ST3GAL3: variants seen among roughly 807,000 people sequenced by gnomAD.
ST3GAL3 encodes the protein ST3 beta-galactoside alpha-2,3-sialyltransferase 3.
Under a neutral mutation model 50.1 loss-of-function variants are expected in ST3GAL3, and 21 were observed. That is an observed-to-expected ratio of 0.42 (90% CI 0.30 to 0.60). The LOEUF (loss-of-function observed/expected upper bound fraction) is 0.60, where lower values mean the gene tolerates loss of function less well. Ranked by LOEUF, ST3GAL3 falls within the 20% of genes least tolerant of loss-of-function variation. The pLI, the probability that ST3GAL3 is intolerant of heterozygous loss-of-function variation, is 0.19. For missense variants in ST3GAL3, 353 were observed against 489.4 expected (o/e 0.72, Z 2.63); for synonymous variants, 183 against 190.0 (o/e 0.96, Z 0.30).
chr1:43,772,033 T>C (rs1241741355), intron 2 of ST3GAL3: 6 of 198,058 alleles, frequency 3.0e-5, no homozygotes, highest in Non-Finnish European at 4.1e-5. Flanking sequence ...AGGTGGTCTT[T>C]TTTTTTTTTT....
At chr1:43,760,941 CATT>C (rs1379952964) in intron 2 of ST3GAL3, among the ~76,000 whole-genome samples, 6 of 152,144 alleles carry the variant, frequency 3.9e-5, no homozygotes, top group African/African-American at 9.7e-5. Flanking sequence ...GCCTTGAAAA[CATT>C]ATGCTGAGAG....
intron 2 of ST3GAL3, among the ~76,000 whole-genome samples, chr1:43,766,437 G>A (rs1282352870): frequency 6.6e-6 from 1 of 152,170 alleles, no homozygotes; most frequent in Non-Finnish European, 1.5e-5. Context: ...TAAATAAGAA[G>A]TGATGTCAAG....
chr1:43,830,502 C>A (rs781390024), intron 4 of ST3GAL3, among the ~76,000 whole-genome samples: 13 of 152,224 alleles, frequency 8.5e-5, no homozygotes, highest in Non-Finnish European at 1.9e-4. Flanking sequence ...ATAACTCTAA[C>A]CTCTATTACA....
chr1:43,853,459 C>A (rs1041922478), intron 5 of ST3GAL3, among the ~76,000 whole-genome samples: 12 of 152,246 alleles, frequency 7.9e-5, no homozygotes, highest in African/African-American at 2.6e-4. Flanking sequence ...AGCAGTTTGC[C>A]CGAGGTCACA....
At chr1:43,837,199 G>T (rs150324394) in intron 4 of ST3GAL3, among the ~76,000 whole-genome samples, 1 of 152,154 alleles carries the variant, frequency 6.6e-6, no homozygotes, top group African/African-American at 2.4e-5. Flanking sequence ...GTGAGGGGAA[G>T]GGGGAGTGAC....
chr1:43,793,807 G>T (rs2154154141), intron 3 of ST3GAL3, among the ~76,000 whole-genome samples: 1 of 152,318 alleles, frequency 6.6e-6, no homozygotes, highest in Non-Finnish European at 1.5e-5. Context: ...GGCTGGATGG[G>T]CATAGTGGCT....
chr1:43,777,856 G>A (rs1428174169), intron 2 of ST3GAL3, among the ~76,000 whole-genome samples: 1 of 152,148 alleles, frequency 6.6e-6, no homozygotes, highest in Non-Finnish European at 1.5e-5. Context: ...CAACCATTGT[G>A]GAAGACAGTG....
intron 2 of ST3GAL3, among the ~76,000 whole-genome samples, chr1:43,746,443 G>A (rs1011378543): frequency 1.3e-5 from 2 of 150,470 alleles, no homozygotes; most frequent in African/African-American, 4.9e-5. Context: ...TGCCACAGAT[G>A]TGTAAACTTA....
At chr1:43,832,325 T>C (rs1225455423) in intron 4 of ST3GAL3, among the ~76,000 whole-genome samples, 1 of 152,184 alleles carries the variant, frequency 6.6e-6, no homozygotes, top group Non-Finnish European at 1.5e-5. Flanking sequence ...AGGCAGGGCC[T>C]CCGGAGCTGA....
rs1177376284 is a variant in ST3GAL3, at chr1:43,852,177, G to C, written c.302+13866G>C. Among the ~76,000 whole-genome samples, 7 of 152,080 alleles carry C rather than the reference G, an allele frequency of 4.6e-5. No individual in the cohort carries two copies. In the East Asian group the frequency reaches 1.3e-3, roughly 29 times the overall value. On this transcript the variant is annotated intron_variant, in intron 5 of 11. Coordinates refer to ENST00000347631, the MANE Select transcript of ST3GAL3 (RefSeq NM_006279.5). ...CCAGCCTGTTTGCTCTCACACTTTT[G>C]TACTCTCTGCTGGGAAGTCCTCCTT...
chr1:43,870,283 A>G (rs1259223809), intron 5 of ST3GAL3, among the ~76,000 whole-genome samples: 1 of 152,252 alleles, frequency 6.6e-6, no homozygotes, highest in Non-Finnish European at 1.5e-5. Flanking sequence ...ATAAACATTT[A>G]TTGAAACCCT....
At chr1:43,761,749 G>C (rs1690452277) in intron 2 of ST3GAL3, among the ~76,000 whole-genome samples, 1 of 151,416 alleles carries the variant, frequency 6.6e-6, no homozygotes, top group South Asian at 2.1e-4. Context: ...AGGAGATCGA[G>C]ACCATCCTGG....
intron 4 of ST3GAL3, chr1:43,824,750 A>C: frequency 1.2e-6 from 2 of 1,613,992 alleles, no homozygotes; most frequent in Non-Finnish European, 1.7e-6. Flanking sequence ...GACTCTCTGC[A>C]CGGTGGTTTT....
Position 43,736,333 on chromosome 1 carries a change from A to C in ST3GAL3, c.71A>C (p.Tyr24Ser). Residue 24 changes from tyrosine to serine, a missense_variant, in exon 2 of 12, where the codon TAT becomes TCT. Transcript: ENST00000347631. ...CTCTTTCTGGTACTGGGATTTTTGT[A>C]TTATTCTGCGTGGAAGCTACACTTA... is the stretch of plus-strand genomic sequence containing the variant. ...LCLFLVLGFL[Y>S]YSAWKLHLLQ... 6.2e-7 allele frequency: 1 copy of C among 1,614,026 alleles called. No homozygotes were observed.
chr1:43,876,409 C>G (rs2074128471), intron 5 of ST3GAL3, among the ~76,000 whole-genome samples: 1 of 152,080 alleles, frequency 6.6e-6, no homozygotes, highest in Non-Finnish European at 1.5e-5. Context: ...AAAAGCAGCT[C>G]AAGTCATAGA....
intron 2 of ST3GAL3, among the ~76,000 whole-genome samples, chr1:43,788,739 A>G (rs2057668278): frequency 6.6e-6 from 1 of 152,236 alleles, no homozygotes; most frequent in Non-Finnish European, 1.5e-5. Flanking sequence ...CAGAGCCTCA[A>G]AATGAATAGA....
intron 5 of ST3GAL3, chr1:43,858,143 G>T (rs1241710503): frequency 7.8e-7 from 1 of 1,289,420 alleles, no homozygotes; most frequent in South Asian, 1.2e-5. Context: ...AGAGCTAAGA[G>T]AAATGGTGCA....
intron 3 of ST3GAL3, among the ~76,000 whole-genome samples, chr1:43,813,887 A>ACACACG (rs1248635984): frequency 1.4e-3 from 56 of 39,802 alleles, no homozygotes; most frequent in African/African-American, 2.6e-3. Flanking sequence ...ACACACACAC[A>ACACACG]CACACACGCA....
chr1:43,743,542 A>G (rs189463395), intron 2 of ST3GAL3: 2 of 419,734 alleles, frequency 4.8e-6, no homozygotes, highest in African/African-American at 2.1e-5. Context: ...TAAGAGGGAT[A>G]CACCATTTAG....
Sources: gnomAD v4.1 joint callset for allele counts (sites outside exome capture counted in the v4.1 genomes callset) on GRCh38, gnomAD v4.1.1 for gene constraint, MANE v1.5 for transcripts, NCBI Gene and HGNC (gene_info 2026-07-23, HGNC 2026-07-21) for gene names.